The following CREB5 variants were observed in gnomAD, a reference collection of about 807,000 sequenced individuals.
The protein encoded by CREB5 is cAMP responsive element binding protein 5.
CREB5 carries 19 observed loss-of-function variants against 57.1 expected under a neutral mutation model. That is an observed-to-expected ratio of 0.33 (90% confidence interval 0.23 to 0.49). The LOEUF is 0.49. CREB5 is among the 20% of genes least tolerant of loss of function. CREB5 has a pLI of 0.99. For synonymous variants in CREB5, 238 were observed against 238.3 expected (o/e 1.00, Z 0.01); for missense variants, 579 against 671.6 (o/e 0.86, Z 1.52).
At chr7:28,360,623 A>C (rs1249660424) in intron 1 of CREB5, among the ~76,000 whole-genome samples, 1 of 152,222 alleles carries the variant, frequency 6.6e-6, no homozygotes, top group Non-Finnish European at 1.5e-5. Flanking sequence ...AGACTGGAGG[A>C]ATAAATGGAA....
chr7:28,303,407 A>C (rs934161297), intron 1 of CREB5, among the ~76,000 whole-genome samples: 1 of 152,244 alleles, frequency 6.6e-6, no homozygotes, highest in African/African-American at 2.4e-5. Flanking sequence ...GCAATAAAAC[A>C]TTAAGAAATA....
intron 1 of CREB5, among the ~76,000 whole-genome samples, chr7:28,403,381 A>C (rs1414975874): frequency 6.6e-6 from 1 of 152,230 alleles, no homozygotes; most frequent in African/African-American, 2.4e-5. Flanking sequence ...GACATGAATT[A>C]TTTTATTAAA....
At chr7:28,643,713 C>G (rs1202798160) in intron 5 of CREB5, among the ~76,000 whole-genome samples, 2 of 151,200 alleles carry the variant, frequency 1.3e-5, no homozygotes, top group African/African-American at 4.9e-5. Flanking sequence ...AGAAAGTTGT[C>G]CCTTTAAGTC....
At chr7:28,447,960 T>C (rs1262046450) in intron 1 of CREB5, among the ~76,000 whole-genome samples, 1 of 152,176 alleles carries the variant, frequency 6.6e-6, no homozygotes, top group Non-Finnish European at 1.5e-5. Context: ...GAGTGTCAAC[T>C]TGATTGGATT....
At chr7:28,325,065 A>G (rs1312837046) in intron 1 of CREB5, among the ~76,000 whole-genome samples, 3 of 152,164 alleles carry the variant, frequency 2.0e-5, no homozygotes, top group Admixed American at 6.5e-5. Flanking sequence ...ATCTTTTCTA[A>G]TCTGAACAAC....
intron 1 of CREB5, among the ~76,000 whole-genome samples, chr7:28,379,717 A>T (rs1786921706): frequency 1.3e-5 from 2 of 152,320 alleles, no homozygotes; most frequent in Admixed American, 1.3e-4. Flanking sequence ...AAAGCTCTCC[A>T]GGGATTCTAA....
chr7:28,365,953 A>T (rs1395982252), intron 1 of CREB5, among the ~76,000 whole-genome samples: 1 of 152,230 alleles, frequency 6.6e-6, no homozygotes, highest in Non-Finnish European at 1.5e-5. Flanking sequence ...TAGAATTTCC[A>T]GTATGTTACA....
rs60106222 is a variant in CREB5, at chr7:28,732,843, G to GTTT, written c.702+8522_702+8524dup. 7.8e-5 allele frequency among the ~76,000 whole-genome samples: 11 copies of GTTT among 141,512 alleles called. 1 individual carries two copies. The highest frequency in any genetic ancestry group is 2.2e-4 in the South Asian group (1 of 4,460). 92.8% of individuals were successfully genotyped at this position (141,512 alleles called of 152,430 possible). On this transcript the variant is annotated intron_variant, in intron 7 of 10. Coordinates refer to ENST00000357727, the MANE Select transcript of CREB5 (RefSeq NM_182898.4). ...AAAGTTTTCCTAAAGGTTTAGGGTT[G>GTTT]TTTTTTTTTTTTTCTTAAAACCCAA...
intron 7 of CREB5, among the ~76,000 whole-genome samples, chr7:28,784,439 A>G (rs986449033): frequency 5.3e-5 from 8 of 151,372 alleles, no homozygotes; most frequent in African/African-American, 1.9e-4. Flanking sequence ...AAAATTAGCC[A>G]CTCTAACCCT....
chr7:28,560,821 TGCGCGC>T (rs1169041503), intron 4 of CREB5, among the ~76,000 whole-genome samples: 3 of 60,310 alleles, frequency 5.0e-5, no homozygotes, highest in African/African-American at 2.0e-4. Flanking sequence ...TGTGTGTGTG[TGCGCGC>T]GCGCGCGTGT....
At chr7:28,632,553 C>G (rs1798242989) in intron 5 of CREB5, among the ~76,000 whole-genome samples, 1 of 152,184 alleles carries the variant, frequency 6.6e-6, no homozygotes, top group African/African-American at 2.4e-5. Context: ...GTTTTGTTCA[C>G]CATCATTAGA....
In CREB5 at chr7:28,356,177, G is replaced by A. The variant is rs573144165; in HGVS notation, c.-25+56736G>A. 1.2e-4 allele frequency among the ~76,000 whole-genome samples: 18 copies of A among 152,296 alleles called. 1 individual carries two copies. In the South Asian group the frequency reaches 3.7e-3, roughly 32 times the overall value. Reference sequence around the variant, plus strand: ...TGCAGATAGGTAAATAAATCAGGGGGCACTTAAGCCCATTTTAGATACAAT... The same window carrying A: ...TGCAGATAGGTAAATAAATCAGGGGACACTTAAGCCCATTTTAGATACAAT... On this transcript the variant is annotated intron_variant, in intron 1 of 9. Transcript: ENST00000396299.
intron 5 of CREB5, among the ~76,000 whole-genome samples, chr7:28,575,446 C>T (rs899986625): frequency 5.9e-5 from 9 of 152,204 alleles, no homozygotes; most frequent in African/African-American, 1.7e-4. Context: ...TGTGTTTGCC[C>T]TGTCAATGCA....
chr7:28,498,166 A>G (rs568220460), intron 3 of CREB5, among the ~76,000 whole-genome samples: 2 of 152,178 alleles, frequency 1.3e-5, no homozygotes, highest in Non-Finnish European at 2.9e-5. Context: ...ACCTTATCAT[A>G]TTTTGTGGCC....
At chr7:28,408,207 A>C (rs1423576007), upstream of CREB5, among the ~76,000 whole-genome samples, 3 of 152,200 alleles carry the variant, frequency 2.0e-5, no homozygotes, top group Non-Finnish European at 4.4e-5. Context: ...GCTCACCTGT[A>C]GAATGGGAAT....
At chr7:28,681,396 A>G (rs1800583985) in intron 5 of CREB5, among the ~76,000 whole-genome samples, 1 of 151,928 alleles carries the variant, frequency 6.6e-6, no homozygotes, top group Non-Finnish European at 1.5e-5. Context: ...TAGAGACAGA[A>G]TCTTGCTCTG....
chr7:28,677,937 G>A (rs1800394285), intron 5 of CREB5, among the ~76,000 whole-genome samples: 1 of 152,046 alleles, frequency 6.6e-6, no homozygotes, highest in Non-Finnish European at 1.5e-5. Context: ...AGGGCACTGG[G>A]ATTGGCCCAG....
At chr7:28,607,302 G>T (rs577269498) in intron 5 of CREB5, among the ~76,000 whole-genome samples, 28 of 152,224 alleles carry the variant, frequency 1.8e-4, no homozygotes, top group African/African-American at 6.0e-4. Flanking sequence ...ACAATGTGAG[G>T]CCCCAAGACT....
At chr7:28,455,544 G>A (rs1790056561) in intron 1 of CREB5, among the ~76,000 whole-genome samples, 1 of 152,220 alleles carries the variant, frequency 6.6e-6, no homozygotes, top group Non-Finnish European at 1.5e-5. Flanking sequence ...AGACTCTCAG[G>A]TAGTGGCAAG....
Sources: gnomAD v4.1 joint callset for allele counts (sites outside exome capture counted in the v4.1 genomes callset) on GRCh38, gnomAD v4.1.1 for gene constraint, MANE v1.5 for transcripts, NCBI Gene and HGNC (gene_info 2026-07-23, HGNC 2026-07-21) for gene names.